Variants in PARD3 observed in about 807,000 individuals in gnomAD.
The protein encoded by PARD3 is par-3 family cell polarity regulator, also known as partitioning defective 3 homolog.
Under a neutral mutation model 155.4 loss-of-function variants are expected in PARD3, and 75 were observed. The observed-to-expected ratio is 0.48, with a 90% CI of 0.40 to 0.58. The LOEUF (loss-of-function observed/expected upper bound fraction) is 0.58, where lower values mean the gene tolerates loss of function less well. Ranked by LOEUF, PARD3 falls within the 20% of genes least tolerant of loss-of-function variation. The probability of loss-of-function intolerance (pLI) is 0.00; values close to 1 mark genes in which losing one functional copy is unlikely to be tolerated. For missense variants in PARD3, 1,642 were observed against 1,721.7 expected (o/e 0.95, Z 0.82); for synonymous variants, 576 against 610.5 (o/e 0.94, Z 0.83).
Position 34,327,848 on chromosome 10 carries a change from C to T in PARD3, c.2833+3269G>A, listed in dbSNP as rs536356739. 3.3e-5 allele frequency among the ~76,000 whole-genome samples: 5 copies of T among 152,212 alleles called. No homozygotes were observed. In the East Asian group the frequency reaches 9.7e-4, roughly 29 times the overall value. On this transcript the variant is annotated intron_variant, in intron 19 of 24. Coordinates refer to ENST00000374788, the MANE Select transcript of PARD3 (RefSeq NM_001184785.2). ...TTGGACCATCGGGACAAGAAAGAAC[C>T]CACTTCCCCTGAGGCCCACTTAGCA...
chr10:34,390,072 A>T (rs1250024746), intron 7 of PARD3, among the ~76,000 whole-genome samples: 2 of 152,210 alleles, frequency 1.3e-5, no homozygotes, highest in Non-Finnish European at 2.9e-5. Context: ...TTTCAGACAA[A>T]AGACTATTGA....
intron 2 of PARD3, among the ~76,000 whole-genome samples, chr10:34,595,056 T>C (rs571387864): frequency 7.9e-5 from 12 of 152,286 alleles, no homozygotes; most frequent in Admixed American, 2.0e-4. Flanking sequence ...TTAGTCTTAA[T>C]TTACTTGCCA....
At chr10:34,611,951 C>T (rs1165881966) in intron 2 of PARD3, among the ~76,000 whole-genome samples, 1 of 142,004 alleles carries the variant, frequency 7.0e-6, no homozygotes, top group Admixed American at 7.0e-5. Flanking sequence ...CCCCCCGCCC[C>T]GAGTAGCTGG....
intron 2 of PARD3, among the ~76,000 whole-genome samples, chr10:34,597,730 A>G (rs1190629484): frequency 1.3e-5 from 2 of 152,110 alleles, no homozygotes; most frequent in South Asian, 4.2e-4. Context: ...ACACGTGGAG[A>G]TCGGAAGAGG....
chr10:34,412,744 G>C (rs1474846933), intron 5 of PARD3, among the ~76,000 whole-genome samples: 1 of 151,918 alleles, frequency 6.6e-6, no homozygotes, highest in Non-Finnish European at 1.5e-5. Context: ...AATTAAATCC[G>C]GGATTCATGA....
At chr10:34,243,745 G>A (rs1190341275) in intron 22 of PARD3, among the ~76,000 whole-genome samples, 1 of 152,122 alleles carries the variant, frequency 6.6e-6, no homozygotes, top group Non-Finnish European at 1.5e-5. Flanking sequence ...AGGAGGCGGA[G>A]GTTACAGTAA....
Position 34,517,034 on chromosome 10 carries a change from A to G in PARD3, c.348T>C (p.Phe116=). Residue 116 remains phenylalanine (F), a synonymous_variant, in exon 3 of 25, where the codon TTT becomes TTC. Coordinates refer to ENST00000374788, the MANE Select transcript of PARD3 (RefSeq NM_001184785.2). ...TTTCACTTGTTGCTTGGTAAGGCTG[A>G]AAGGCTGAGACATTGTTGGTGCCAA... The part of the protein sequence containing the change: ...SELGTNNVSA[F]QPYQATSEIE... 6.2e-7 allele frequency: 1 copy of G among 1,614,188 alleles called. No individual in the cohort carries two copies.
chr10:34,630,965 C>A (rs922485163), intron 2 of PARD3, among the ~76,000 whole-genome samples: 4 of 152,146 alleles, frequency 2.6e-5, no homozygotes, highest in Non-Finnish European at 4.4e-5. Flanking sequence ...CAGGTGCATG[C>A]CACCACGCCT....
intron 3 of PARD3, among the ~76,000 whole-genome samples, chr10:34,481,664 G>T (rs58641166): frequency 0.13 from 19,093 of 152,064 alleles, 3,838 homozygotes; most frequent in African/African-American, 0.42. Context: ...TTTGCTATGG[G>T]AGAGCTACCA....
chr10:34,261,696 GA>G (rs1954972238), intron 22 of PARD3, among the ~76,000 whole-genome samples: 1 of 99,366 alleles, frequency 1.0e-5, no homozygotes, highest in South Asian at 2.8e-4. Context: ...CTCAAAGAAA[GA>G]AAGGAAGAAA....
In PARD3 at chr10:34,718,722, G is replaced by GCC. The variant is rs1358529081; in HGVS notation, c.121-22304_121-22303insGG. ...TCACGCCTGTAATCCCAGCACTTCG[G>GCC]GAGGCCGAGGTAGGCGGATCACCTG... On this transcript the variant is annotated intron_variant, in intron 1 of 24. Coordinates refer to ENST00000374788, the MANE Select transcript of PARD3 (RefSeq NM_001184785.2). Among the ~76,000 whole-genome samples the GCC allele has an allele frequency of 3.3e-5, 5 of 152,332 alleles. No homozygotes were observed. The South Asian group carries it at 1.0e-3, about 32-fold the overall frequency.
intron 20 of PARD3, among the ~76,000 whole-genome samples, chr10:34,284,742 G>A (rs1425425573): frequency 6.6e-6 from 1 of 152,156 alleles, no homozygotes; most frequent in Non-Finnish European, 1.5e-5. Context: ...CAAAGGCCAT[G>A]TTTGCAAGGT....
chr10:34,470,337 G>A, intron 3 of PARD3, 74 bp from the exon 4 acceptor site: 3 of 1,140,046 alleles, frequency 2.6e-6, no homozygotes, highest in Non-Finnish European at 3.7e-6. Context: ...AGAACGTAGG[G>A]AAATCCTAAA....
chr10:34,535,728 A>G (rs1221397671), intron 2 of PARD3, among the ~76,000 whole-genome samples: 1 of 151,982 alleles, frequency 6.6e-6, no homozygotes, highest in Non-Finnish European at 1.5e-5. Context: ...CACCAGCCTC[A>G]GCCTTCCAAA....
At chr10:34,602,285 C>A (rs1181967453) in intron 2 of PARD3, among the ~76,000 whole-genome samples, 1 of 152,132 alleles carries the variant, frequency 6.6e-6, no homozygotes, top group Non-Finnish European at 1.5e-5. Flanking sequence ...TAGTCCATTT[C>A]TTTTTTTCCT....
chr10:34,247,526 C>A (rs928143867), intron 22 of PARD3, among the ~76,000 whole-genome samples: 1 of 151,814 alleles, frequency 6.6e-6, no homozygotes, highest in African/African-American at 2.4e-5. Flanking sequence ...ACAAAAAACA[C>A]AAAAACAGAC....
At chr10:34,708,121 A>C (rs1222885645) in intron 1 of PARD3, among the ~76,000 whole-genome samples, 6 of 152,196 alleles carry the variant, frequency 3.9e-5, no homozygotes, top group Non-Finnish European at 7.3e-5. Flanking sequence ...ATCAAAACAT[A>C]GCCTCACTTC....
At chr10:34,629,822 G>A (rs1397601644) in intron 2 of PARD3, among the ~76,000 whole-genome samples, 3 of 152,166 alleles carry the variant, frequency 2.0e-5, no homozygotes, top group African/African-American at 7.2e-5. Flanking sequence ...GGGATAATCT[G>A]TCATTTTCTG....
intron 22 of PARD3, among the ~76,000 whole-genome samples, chr10:34,139,931 T>C (rs546701156): frequency 2.0e-5 from 3 of 152,334 alleles, no homozygotes; most frequent in East Asian, 3.9e-4. Flanking sequence ...CACTTAGATA[T>C]TTTTCTATAC....
Sources: gnomAD v4.1 joint callset for allele counts (sites outside exome capture counted in the v4.1 genomes callset) on GRCh38, gnomAD v4.1.1 for gene constraint, MANE v1.5 for transcripts, NCBI Gene and HGNC (gene_info 2026-07-23, HGNC 2026-07-21) for gene names.